Variants in GALNT17 observed in about 807,000 individuals in gnomAD.
GALNT17 encodes the protein polypeptide N-acetylgalactosaminyltransferase 17.
Under a neutral mutation model 63.7 loss-of-function variants are expected in GALNT17, and 29 were observed. The ratio of observed to expected loss-of-function variants is 0.46; its 90% CI spans 0.34 to 0.62. GALNT17 has a LOEUF of 0.62. Ranked by LOEUF, GALNT17 falls within the 20% of genes least tolerant of loss-of-function variation. The pLI is 0.01. For missense variants in GALNT17, 603 were observed against 799.6 expected (o/e 0.75, Z 2.97); for synonymous variants, 305 against 318.3 (o/e 0.96, Z 0.45).
At chr7:71,375,805 C>T (rs562203814) in intron 2 of GALNT17, among the ~76,000 whole-genome samples, 1 of 152,314 alleles carries the variant, frequency 6.6e-6, no homozygotes, top group Admixed American at 6.5e-5. Flanking sequence ...CTGTGGGGCT[C>T]AGCTTTCCTT....
chr7:71,337,889 A>G (rs1442517642), intron 2 of GALNT17, among the ~76,000 whole-genome samples: 1 of 151,696 alleles, frequency 6.6e-6, no homozygotes. Flanking sequence ...ACAAACAAAC[A>G]AACAACAACA....
intron 6 of GALNT17, among the ~76,000 whole-genome samples, chr7:71,616,530 A>G (rs1363971143): frequency 6.8e-6 from 1 of 146,934 alleles, no homozygotes; most frequent in Non-Finnish European, 1.5e-5. Context: ...AATACATTAT[A>G]TGTAATATAA....
chr7:71,592,943 T>A (rs528632991), intron 6 of GALNT17, among the ~76,000 whole-genome samples: 2 of 152,152 alleles, frequency 1.3e-5, no homozygotes, highest in South Asian at 4.2e-4. Flanking sequence ...GCCCAGGAGT[T>A]CGAGACCAGC....
At chr7:71,212,622 G>C (rs752274368) in intron 1 of GALNT17, among the ~76,000 whole-genome samples, 7 of 152,208 alleles carry the variant, frequency 4.6e-5, no homozygotes, top group South Asian at 4.2e-4. Context: ...CAGCCAGGAG[G>C]GGGGGCTATA....
chr7:71,266,244 G>A (rs906409401), intron 1 of GALNT17, among the ~76,000 whole-genome samples: 3 of 152,016 alleles, frequency 2.0e-5, no homozygotes, highest in Non-Finnish European at 4.4e-5. Context: ...CACATCTGCC[G>A]ATATGGTTTG....
chr7:71,456,404 T>G (rs561479639), intron 5 of GALNT17, among the ~76,000 whole-genome samples: 2 of 151,902 alleles, frequency 1.3e-5, no homozygotes, highest in East Asian at 3.9e-4. Flanking sequence ...ATTCATATTT[T>G]AAAATGAGCC....
At chr7:71,242,286 T>A in intron 1 of GALNT17, among the ~76,000 whole-genome samples, 1 of 132,286 alleles carries the variant, frequency 7.6e-6, no homozygotes, top group African/African-American at 2.8e-5. Context: ...TTTTTTTTTT[T>A]TGAGACAGAG....
At chr7:71,303,899 A>G (rs1300868424) in intron 1 of GALNT17, among the ~76,000 whole-genome samples, 1 of 152,204 alleles carries the variant, frequency 6.6e-6, no homozygotes, top group East Asian at 1.9e-4. Flanking sequence ...CCTCCGGGGC[A>G]GCTGTAAGGC....
At chr7:71,357,129 G>T (rs1792301389) in intron 2 of GALNT17, among the ~76,000 whole-genome samples, 1 of 152,002 alleles carries the variant, frequency 6.6e-6, no homozygotes, top group Non-Finnish European at 1.5e-5. Flanking sequence ...GGAATATGTT[G>T]TGTCATCTGG....
At chr7:71,463,584 A>G (rs1272172970) in intron 5 of GALNT17, among the ~76,000 whole-genome samples, 2 of 152,208 alleles carry the variant, frequency 1.3e-5, no homozygotes, top group Admixed American at 6.5e-5. Context: ...GAGCAGTGGC[A>G]TGGGCTGCTA....
In GALNT17 at chr7:71,460,266, G is replaced by A. The variant is rs150519663; in HGVS notation, c.962+39161G>A. Reference sequence around the variant, plus strand: ...TATGTCTATGAAATAGACAAGGATGGCAGCATTGGACCATAGGAGTGGGAG... The same window carrying A: ...TATGTCTATGAAATAGACAAGGATGACAGCATTGGACCATAGGAGTGGGAG... On this transcript the variant is annotated intron_variant, in intron 5 of 10. Transcript: ENST00000333538. Among the ~76,000 whole-genome samples, 117 of 152,254 alleles carry A rather than the reference G, an allele frequency of 7.7e-4. 1 individual carries two copies. Among genetic ancestry groups the A allele is most frequent in the African/African-American group, 2.5e-3 (103 of 41,542 alleles).
intron 1 of GALNT17, among the ~76,000 whole-genome samples, chr7:71,298,734 GTGTGTA>G (rs1268457572): frequency 5.0e-5 from 7 of 140,598 alleles, no homozygotes; most frequent in Non-Finnish European, 1.2e-4. Context: ...GTGTGTGTGT[GTGTGTA>G]TGTATGTGTG....
At chr7:71,262,679 C>CTTTT (rs756742343) in intron 1 of GALNT17, among the ~76,000 whole-genome samples, 9 of 124,644 alleles carry the variant, frequency 7.2e-5, no homozygotes, top group South Asian at 2.6e-4. Flanking sequence ...TTTTTACTTT[C>CTTTT]TTTTTTTTTT....
chr7:71,535,507 C>A (rs1016516707), intron 5 of GALNT17, among the ~76,000 whole-genome samples: 2 of 152,126 alleles, frequency 1.3e-5, no homozygotes, highest in African/African-American at 4.8e-5. Flanking sequence ...GGAATAAAAT[C>A]GAGTACATTT....
intron 5 of GALNT17, among the ~76,000 whole-genome samples, chr7:71,504,192 A>C (rs1175651141): frequency 6.7e-6 from 1 of 149,646 alleles, no homozygotes; most frequent in African/African-American, 2.5e-5. Context: ...GTGCCACTGC[A>C]CTCCAGCCTG....
intron 2 of GALNT17, among the ~76,000 whole-genome samples, chr7:71,345,345 A>G (rs1166968699): frequency 6.6e-6 from 1 of 152,126 alleles, no homozygotes; most frequent in African/African-American, 2.4e-5. Flanking sequence ...TAGGTAATTT[A>G]TGAGCGGTTT....
rs1269013753 is a variant in GALNT17 at position 71,388,342 on chromosome 7, A to G, written c.530A>G (p.Asn177Ser). ...VILRSVHSAV[N>S]HTPTHLLKEI... is the part of the protein sequence containing the mutation. ...CTGCGGTCCGTGCACAGTGCCGTCA[A>G]TCACACGCCCACACACCTGCTGAAG... The change falls in exon 3 of 11, where the codon AAT becomes AGT. Residue 177 changes from asparagine (N) to serine (S), a missense_variant. Around this residue, in one of 3 missense-constraint regions of GALNT17, gnomAD observed 336 missense variants for 507.8 expected, o/e 0.66. Transcript: ENST00000333538. 3.1e-6 allele frequency: 5 copies of G among 1,613,888 alleles called. No homozygotes were observed. Among genetic ancestry groups the G allele is most frequent in the Admixed American group, 1.7e-5 (1 of 59,970 alleles).
At chr7:71,140,056 A>G (rs1787857818) in intron 1 of GALNT17, among the ~76,000 whole-genome samples, 1 of 152,192 alleles carries the variant, frequency 6.6e-6, no homozygotes, top group Admixed American at 6.5e-5. Flanking sequence ...GCATTTGGAA[A>G]GCATCTCCGT....
intron 5 of GALNT17, among the ~76,000 whole-genome samples, chr7:71,494,597 A>G (rs1788062693): frequency 6.6e-6 from 1 of 152,102 alleles, no homozygotes; most frequent in African/African-American, 2.4e-5. Context: ...GGGCTCAAGT[A>G]ACTCTCCTGC....
Sources: allele counts gnomAD v4.1 joint callset (sites outside exome capture counted in the v4.1 genomes callset), GRCh38; gene constraint gnomAD v4.1.1; regional missense constraint gnomAD v4.1.1; transcripts MANE v1.5; gene names NCBI Gene and HGNC (gene_info 2026-07-23, HGNC 2026-07-21).